NUP153: variants seen among roughly 807,000 people sequenced by gnomAD.
NUP153 encodes the protein nucleoporin 153.
A neutral mutation model predicts 134.6 loss-of-function variants in NUP153; 27 were observed. That is an observed-to-expected ratio of 0.20 (90% CI 0.15 to 0.28). The LOEUF (loss-of-function observed/expected upper bound fraction) is 0.28, where lower values mean the gene tolerates loss of function less well. Among genes scored for constraint, NUP153 ranks in the 10% least tolerant of loss-of-function variants. The pLI, the probability that NUP153 is intolerant of heterozygous loss-of-function variation, is 1.00. For synonymous variants in NUP153, 640 were observed against 623.5 expected (o/e 1.03, Z -0.40); for missense variants, 1,821 against 1,731.3 (o/e 1.05, Z -0.92).
At chr6:17,645,440 C>A (rs1766109002) in intron 14 of NUP153, among the ~76,000 whole-genome samples, 1 of 150,616 alleles carries the variant, frequency 6.6e-6, no homozygotes, top group South Asian at 2.1e-4. Flanking sequence ...ACTACAGGCT[C>A]ACACCACCAC....
chr6:17,695,767 T>A (rs1016377471), intron 1 of NUP153, among the ~76,000 whole-genome samples: 1 of 152,166 alleles, frequency 6.6e-6, no homozygotes, highest in African/African-American at 2.4e-5. Context: ...CCCAACACTT[T>A]AGGAGGCCAA....
At chr6:17,618,011 G>C (rs79354825) in intron 20 of NUP153, among the ~76,000 whole-genome samples, 85 of 152,144 alleles carry the variant, frequency 5.6e-4, no homozygotes, top group African/African-American at 2.0e-3. Flanking sequence ...AGTGTAGCTC[G>C]ATATTCACAA....
chr6:17,620,897 A>G (rs1427445239), intron 20 of NUP153, among the ~76,000 whole-genome samples: 1 of 152,244 alleles, frequency 6.6e-6, no homozygotes, highest in African/African-American at 2.4e-5. Context: ...GCTTCTGCAC[A>G]GCAAAAGAAG....
In NUP153 at chr6:17,680,869, G is replaced by A. The variant is rs1189086292; in HGVS notation, c.335-5099C>T. On this transcript the variant is annotated intron_variant, in intron 2 of 21. Transcript: ENST00000262077. This position sits in a 1 kb window ranked among gnomAD's most constrained non-coding sequence, Gnocchi z 4.5. Reference sequence around the variant, plus strand: ...AGCCATCATGGAGAACATCATTGAGGTTTCTCACAAAAACTAAAAGTAGAA... The same window carrying A: ...AGCCATCATGGAGAACATCATTGAGATTTCTCACAAAAACTAAAAGTAGAA... Among the ~76,000 whole-genome samples the A allele has an allele frequency of 1.3e-5, 2 of 152,160 alleles. No individual in the cohort carries two copies. The highest frequency in any genetic ancestry group is 2.9e-5 in the Non-Finnish European group (2 of 68,034).
intron 21 of NUP153, 81 bp downstream of exon 21, chr6:17,616,446 G>A (rs1302033187): frequency 8.1e-7 from 1 of 1,240,888 alleles, no homozygotes; most frequent in East Asian, 2.4e-5. Context: ...ACGGAATCTT[G>A]ATGACTTTTA....
At chr6:17,651,870 G>T (rs887830740) in intron 11 of NUP153, 4 of 676,432 alleles carry the variant, frequency 5.9e-6, no homozygotes, top group Non-Finnish European at 1.1e-5. Flanking sequence ...AAGATGGGAT[G>T]ATCGCTTGAG....
chr6:17,633,790 CAT>C (rs1765381447), intron 16 of NUP153, among the ~76,000 whole-genome samples: 1 of 152,164 alleles, frequency 6.6e-6, no homozygotes, highest in Admixed American at 6.6e-5. Context: ...CCACCTCTTC[CAT>C]AGTTACCTAA....
Position 17,706,448 on chromosome 6 carries a change from G to C in NUP153, c.-61C>G, listed in dbSNP as rs758551332. Reference sequence around the variant, plus strand: ...TAAGGGGGCGGGAGAGGCAGAGGCGGAGGCCTTAGAGAGCCTCCCCCGCCG... The same window carrying C: ...TAAGGGGGCGGGAGAGGCAGAGGCGCAGGCCTTAGAGAGCCTCCCCCGCCG... On this transcript the variant is annotated 5_prime_UTR_variant, in exon 1 of 22. Coordinates refer to ENST00000262077, the MANE Select transcript of NUP153 (RefSeq NM_005124.4). This position sits in a 1 kb window ranked among gnomAD's most constrained non-coding sequence, Gnocchi z 5.9. 5 of 1,347,578 alleles carry C rather than the reference G, an allele frequency of 3.7e-6. No homozygotes were observed. Among genetic ancestry groups the C allele is most frequent in the African/African-American group, 2.9e-5 (2 of 68,432 alleles). The allele number at this position is 1,347,578 out of a possible 1,614,324, so 83.5% of individuals were successfully genotyped here.
intron 11 of NUP153, among the ~76,000 whole-genome samples, chr6:17,656,178 C>A (rs926332938): frequency 6.6e-6 from 1 of 152,202 alleles, no homozygotes; most frequent in Non-Finnish European, 1.5e-5. Context: ...GCACTCCACC[C>A]TGGGAGACAG....
intron 5 of NUP153, among the ~76,000 whole-genome samples, chr6:17,670,959 T>A (rs1052111933): frequency 6.6e-6 from 1 of 151,934 alleles, no homozygotes; most frequent in Non-Finnish European, 1.5e-5. Context: ...TACAGGCACG[T>A]CCAACTGCAA....
At chr6:17,686,158 AAAG>A (rs1487472747) in intron 2 of NUP153, among the ~76,000 whole-genome samples, 1 of 5,230 alleles carries the variant, frequency 1.9e-4, no homozygotes, top group Non-Finnish European at 1.0e-3. Flanking sequence ...TAAAAAAAAG[AAAG>A]AAAGAAAGAA....
rs191425316 is a variant in NUP153 at position 17,623,022 on chromosome 6, T to C, written c.4174+1539A>G. On this transcript the variant is annotated intron_variant, in intron 20 of 21. Transcript: ENST00000262077. ...GCACGTGCCTGTAGTCCCAGCTACT[T>C]GGGAGGCTGAGGCAGAAGAATCACT... 4.6e-3 allele frequency among the ~76,000 whole-genome samples: 693 copies of C among 150,658 alleles called. 3 individuals are homozygous for C. Among genetic ancestry groups the C allele is most frequent in the African/African-American group, 0.016 (664 of 41,010 alleles).
rs141500733 is a variant in NUP153 at position 17,625,434 on chromosome 6, G to A, written c.3901+374C>T. ...AATCCCAGCTACTCAGGAGGCTGAG[G>A]CAGGAGAATTGCTTGAACTCGGGAG... On this transcript the variant is annotated intron_variant, in intron 19 of 21. Coordinates refer to ENST00000262077, the MANE Select transcript of NUP153 (RefSeq NM_005124.4). The surrounding 1 kb of genome is among the most constrained non-coding windows in gnomAD (Gnocchi z 4.7). Among the ~76,000 whole-genome samples the A allele has an allele frequency of 2.7e-3, 408 of 152,266 alleles. 2 individuals carry two copies. The highest frequency in any genetic ancestry group is 0.01 in the South Asian group (49 of 4,822).
intron 13 of NUP153, among the ~76,000 whole-genome samples, chr6:17,646,715 C>G (rs1446868455): frequency 6.6e-6 from 1 of 151,738 alleles, no homozygotes; most frequent in Non-Finnish European, 1.5e-5. Flanking sequence ...ATGCCCAGTT[C>G]CAATTTCTGA....
At chr6:17,668,854 G>T in intron 8 of NUP153, 121 bp downstream of exon 8, 2 of 617,780 alleles carry the variant, frequency 3.2e-6, no homozygotes, top group Non-Finnish European at 5.4e-6. Flanking sequence ...AAAAAAAAAA[G>T]AATATTATTT....
chr6:17,661,571 C>T (rs1352908643), intron 11 of NUP153, 82 bp downstream of exon 11: 7 of 1,378,136 alleles, frequency 5.1e-6, no homozygotes, highest in Middle Eastern at 1.9e-4. Flanking sequence ...CTTCGAACCC[C>T]ACCCCTACAG....
At chr6:17,633,273 C>T (rs1327654855) in intron 16 of NUP153, among the ~76,000 whole-genome samples, 2 of 152,170 alleles carry the variant, frequency 1.3e-5, no homozygotes, top group African/African-American at 4.8e-5. Context: ...AATATCCTAA[C>T]ATATAAAATA....
intron 9 of NUP153, among the ~76,000 whole-genome samples, chr6:17,665,021 C>T (rs1330815451): frequency 8.6e-6 from 1 of 116,488 alleles, no homozygotes; most frequent in Non-Finnish European, 1.6e-5. Context: ...CCATTGCACT[C>T]CACCCCTGGA....
At chr6:17,677,695 T>C (rs1768303220) in intron 2 of NUP153, among the ~76,000 whole-genome samples, 1 of 151,620 alleles carries the variant, frequency 6.6e-6, no homozygotes, top group African/African-American at 2.4e-5. Context: ...TCTTTTAGAG[T>C]GTCACACACT....
Sources: allele counts gnomAD v4.1 joint callset (sites outside exome capture counted in the v4.1 genomes callset), GRCh38; gene constraint gnomAD v4.1.1; non-coding constraint Gnocchi (gnomAD v3.1); transcripts MANE v1.5; gene names NCBI Gene and HGNC (gene_info 2026-07-23, HGNC 2026-07-21).